The following ATF7IP2 variants were observed in gnomAD, a reference collection of about 807,000 sequenced individuals.
The protein encoded by ATF7IP2 is activating transcription factor 7-interacting protein 2.
ATF7IP2 carries 42 observed loss-of-function variants against 64.2 expected under a neutral mutation model. That is an observed-to-expected ratio of 0.65 (90% confidence interval 0.51 to 0.85). The LOEUF is 0.85. Among genes scored for constraint, ATF7IP2 ranks in the 40% least tolerant of loss-of-function variants. The pLI, the probability that ATF7IP2 is intolerant of heterozygous loss-of-function variation, is 0.00. For missense variants in ATF7IP2, 933 were observed against 784.2 expected (o/e 1.19, Z -2.27); for synonymous variants, 308 against 272.8 (o/e 1.13, Z -1.27).
intron 1 of ATF7IP2, among the ~76,000 whole-genome samples, chr16:10,396,857 A>G (rs907792275): frequency 1.3e-5 from 2 of 151,962 alleles, no homozygotes; most frequent in African/African-American, 4.8e-5. Context: ...TGTAGTGACA[A>G]GATTTCCTTG....
At position 10,452,154 on chromosome 16, in the gene ATF7IP2, G is replaced by T. The variant is rs371629902; in HGVS notation, c.1195-5218G>T. 5.9e-5 allele frequency among the ~76,000 whole-genome samples: 9 copies of T among 152,290 alleles called. 1 individual carries two copies. In the South Asian group the frequency reaches 1.9e-3, roughly 32 times the overall value. Reference sequence around the variant, plus strand: ...CACCCTCATTCTCCGTCCAGTTTTGGTCTGTTGCTGGCAAGTAGTTGTGAT... The same window carrying T: ...CACCCTCATTCTCCGTCCAGTTTTGTTCTGTTGCTGGCAAGTAGTTGTGAT... On this transcript the variant is annotated intron_variant, in intron 8 of 13. Transcript: ENST00000562102.
chr16:10,394,638 C>G (rs2047389553), intron 1 of ATF7IP2, among the ~76,000 whole-genome samples: 1 of 152,094 alleles, frequency 6.6e-6, no homozygotes. Flanking sequence ...AACCAACACA[C>G]TTAAAAGGAC....
chr16:10,423,010 C>T (rs567787423), intron 3 of ATF7IP2, among the ~76,000 whole-genome samples: 46 of 152,268 alleles, frequency 3.0e-4, no homozygotes, highest in African/African-American at 8.9e-4. Flanking sequence ...TTTGGGAGGC[C>T]GAGGCAGGCA....
intron 10 of ATF7IP2, 81 bp from the exon 11 acceptor site, chr16:10,473,398 A>G (rs897709250): frequency 1.3e-5 from 11 of 848,472 alleles, no homozygotes; most frequent in South Asian, 2.9e-5. Context: ...TAGCATCCCT[A>G]TTATTTTGTT....
intron 1 of ATF7IP2, among the ~76,000 whole-genome samples, chr16:10,399,521 G>A (rs2047486269): frequency 6.6e-6 from 1 of 152,084 alleles, no homozygotes; most frequent in African/African-American, 2.4e-5. Flanking sequence ...TTATTTCCGG[G>A]TTCTCTGTTC....
At chr16:10,392,421 G>A (rs930145066) in intron 1 of ATF7IP2, among the ~76,000 whole-genome samples, 5 of 151,360 alleles carry the variant, frequency 3.3e-5, no homozygotes, top group Non-Finnish European at 5.9e-5. Context: ...GCCTCCCAGA[G>A]TGCTAGGATT....
chr16:10,412,010 G>GTTTTTTTTTTTTTTTTTTTTTTTTTTTTT (rs71133351), intron 1 of ATF7IP2, among the ~76,000 whole-genome samples: 1 of 58,390 alleles, frequency 1.7e-5, no homozygotes, highest in Non-Finnish European at 3.3e-5. Context: ...ATCTTTTTTT[G>GTTTTTTTTTTTTTTTTTTTTTTTTTTTTT]TTTTTTTTTT....
At chr16:10,448,769 C>T (rs1165221028) in intron 8 of ATF7IP2, 1 of 152,170 alleles carries the variant, frequency 6.6e-6, no homozygotes, top group South Asian at 2.1e-4. Flanking sequence ...GACAATTTGA[C>T]TTCCTCTCTT....
At chr16:10,461,520 T>G (rs1477799062) in intron 9 of ATF7IP2, among the ~76,000 whole-genome samples, 1 of 151,996 alleles carries the variant, frequency 6.6e-6, no homozygotes, top group Non-Finnish European at 1.5e-5. Context: ...TGAATGAAAA[T>G]GAAGGAACTG....
intron 9 of ATF7IP2, among the ~76,000 whole-genome samples, chr16:10,468,963 G>C (rs2049685619): frequency 6.6e-6 from 1 of 152,168 alleles, no homozygotes; most frequent in South Asian, 2.1e-4. Context: ...TCTATACACA[G>C]AAAAGCCAAA....
At chr16:10,480,113 G>A (rs981495997) in intron 12 of ATF7IP2, among the ~76,000 whole-genome samples, 30 of 151,074 alleles carry the variant, frequency 2.0e-4, no homozygotes, top group African/African-American at 6.6e-4. Context: ...TCAGCCTCCC[G>A]AGTAGCTGGG....
intron 3 of ATF7IP2, among the ~76,000 whole-genome samples, chr16:10,428,280 C>G (rs141642379): frequency 6.6e-6 from 1 of 152,138 alleles, no homozygotes; most frequent in African/African-American, 2.4e-5. Flanking sequence ...ACACATATTA[C>G]AAGTCTTTTG....
intron 4 of ATF7IP2, among the ~76,000 whole-genome samples, chr16:10,429,352 G>T (rs1297567923): frequency 6.6e-6 from 1 of 152,118 alleles, no homozygotes; most frequent in African/African-American, 2.4e-5. Flanking sequence ...TATCAGGTTT[G>T]TTTGTGTGTT....
At chr16:10,451,000 G>A (rs1406127640) in intron 8 of ATF7IP2, among the ~76,000 whole-genome samples, 5 of 152,210 alleles carry the variant, frequency 3.3e-5, no homozygotes, top group Non-Finnish European at 4.4e-5. Flanking sequence ...GCTCTTGTAA[G>A]GCAGGCCTGG....
chr16:10,408,927 A>G lies in ATF7IP2; in HGVS notation c.-241-5647A>G, dbSNP rs191353758. On this transcript the variant is annotated intron_variant, in intron 1 of 13. Coordinates refer to ENST00000562102, the MANE Select transcript of ATF7IP2 (RefSeq NM_001393719.1). ...GAAATCCTTGCCTAAGTCAATGTCT[A>G]TGTTGGAGATAAATGCTCGGTTCGC... Among the ~76,000 whole-genome samples the G allele has an allele frequency of 2.0e-3, 309 of 152,230 alleles. 2 individuals are homozygous for G. The highest frequency in any genetic ancestry group is 7.1e-3 in the African/African-American group (296 of 41,524).
At chr16:10,424,984 G>A (rs2048054651) in intron 3 of ATF7IP2, among the ~76,000 whole-genome samples, 1 of 151,416 alleles carries the variant, frequency 6.6e-6, no homozygotes, top group South Asian at 2.1e-4. Context: ...TCTACTGCTA[G>A]GTATATAGAA....
intron 1 of ATF7IP2, among the ~76,000 whole-genome samples, chr16:10,397,297 T>G (rs879610009): frequency 7.9e-5 from 12 of 152,218 alleles, no homozygotes; most frequent in Non-Finnish European, 1.6e-4. Flanking sequence ...TAAGATTGAT[T>G]TGGCTTTTTG....
intron 9 of ATF7IP2, among the ~76,000 whole-genome samples, chr16:10,464,370 C>G (rs1159886368): frequency 6.6e-6 from 1 of 152,066 alleles, no homozygotes; most frequent in African/African-American, 2.4e-5. Context: ...ATTGTTTTTT[C>G]TCATGCCACA....
intron 1 of ATF7IP2, among the ~76,000 whole-genome samples, chr16:10,396,771 G>T (rs1020972795): frequency 2.0e-5 from 3 of 151,556 alleles, no homozygotes; most frequent in African/African-American, 4.9e-5. Context: ...GCTTCAGCTT[G>T]TCCCAGTAGC....
Sources: allele counts gnomAD v4.1 joint callset (sites outside exome capture counted in the v4.1 genomes callset), GRCh38; gene constraint gnomAD v4.1.1; transcripts MANE v1.5; gene names NCBI Gene and HGNC (gene_info 2026-07-23, HGNC 2026-07-21).